Variants in DNAH14 observed in about 807,000 individuals in gnomAD.
The protein encoded by DNAH14 is dynein axonemal heavy chain 14.
A neutral mutation model predicts 520.9 loss-of-function variants in DNAH14; 478 were observed. That is an observed-to-expected ratio of 0.92 (90% confidence interval 0.85 to 0.99). The LOEUF is 0.99. Among genes scored for constraint, DNAH14 ranks in the 50% least tolerant of loss-of-function variants. The pLI is 0.00. For synonymous variants in DNAH14, 1,581 were observed against 1,757.2 expected (o/e 0.90, Z 2.51); for missense variants, 4,831 against 5,234.5 (o/e 0.92, Z 2.38).
At chr1:225,367,541 G>C (rs1464524161) in intron 76 of DNAH14, among the ~76,000 whole-genome samples, 1 of 152,148 alleles carries the variant, frequency 6.6e-6, no homozygotes, top group Middle Eastern at 3.2e-3. Context: ...CCTATGCTCT[G>C]AGCAAATAAG....
intron 83 of DNAH14, among the ~76,000 whole-genome samples, chr1:225,390,700 A>C (rs374643871): frequency 6.6e-6 from 1 of 152,192 alleles, no homozygotes. Context: ...GAAGAAGAGA[A>C]TAATTCGTGG....
intron 17 of DNAH14, among the ~76,000 whole-genome samples, chr1:225,066,162 T>C (rs568729655): frequency 3.9e-5 from 6 of 152,226 alleles, no homozygotes; most frequent in Admixed American, 3.9e-4. Context: ...TGTCTCCTTT[T>C]GAGACATATC....
intron 11 of DNAH14, 29 bp from the exon 12 acceptor site, chr1:225,038,665 G>T: frequency 1.3e-6 from 2 of 1,507,746 alleles, no homozygotes; most frequent in African/African-American, 1.4e-5. Flanking sequence ...ATTTTTAAAT[G>T]ATTTTTTTCT....
intron 55 of DNAH14, among the ~76,000 whole-genome samples, chr1:225,293,248 G>A (rs1473295377): frequency 2.0e-5 from 3 of 152,162 alleles, no homozygotes; most frequent in Admixed American, 2.0e-4. Context: ...TTCAGCCACT[G>A]TGGAAGACAT....
rs745378611 is a variant in DNAH14, at chr1:225,374,736, T to C, written c.12367T>C (p.Ser4123Pro). Residue 4123 changes from serine to proline, a missense_variant, in exon 78 of 86, where the codon TCG becomes CCG. Transcript: ENST00000682510. The stretch of plus-strand genomic sequence containing the variant: ...TTCCCTGAGAGGACAGCCCAGCATT[T>C]CGTGGCAAGCACTGCGCTACCTGAT... Reference protein sequence around the residue: ...ENSLRGQPSISWQALRYLIGE... With the variant: ...ENSLRGQPSIPWQALRYLIGE... 10 of 1,551,172 alleles carry C rather than the reference T, an allele frequency of 6.4e-6. 1 individual carries two copies. The South Asian group carries it at 8.3e-5, about 13-fold the overall frequency.
chr1:225,204,706 T>C (rs1285825161), intron 39 of DNAH14, among the ~76,000 whole-genome samples: 1 of 152,220 alleles, frequency 6.6e-6, no homozygotes, highest in Non-Finnish European at 1.5e-5. Context: ...CCAGACACTT[T>C]ACTATGTGCC....
chr1:225,076,962 G>A (rs1201669665), intron 17 of DNAH14, among the ~76,000 whole-genome samples: 1 of 151,906 alleles, frequency 6.6e-6, no homozygotes, highest in Admixed American at 6.6e-5. Flanking sequence ...ACACCCAACA[G>A]GCCCCGGTGT....
intron 7 of DNAH14, chr1:224,969,675 G>T (rs891290209): frequency 3.6e-6 from 1 of 279,500 alleles, no homozygotes; most frequent in East Asian, 7.4e-5. Flanking sequence ...CGAAGCCATG[G>T]CAGAAGAACG....
Position 225,382,837 on chromosome 1 carries a change from G to A in DNAH14, c.13077+1258G>A, listed in dbSNP as rs181399617. 1.9e-3 allele frequency among the ~76,000 whole-genome samples: 289 copies of A among 152,286 alleles called. 5 individuals are homozygous for A. Among genetic ancestry groups the A allele is most frequent in the Admixed American group, 0.017 (260 of 15,290 alleles). On this transcript the variant is annotated intron_variant, in intron 81 of 85. Transcript: ENST00000682510. ...CTGATGAATGGATAAAATATGGTATGTCCCTGTAATGAAATATTATTCAGC... is the reference window on the plus strand; with the variant it reads ...CTGATGAATGGATAAAATATGGTATATCCCTGTAATGAAATATTATTCAGC...
At chr1:225,152,934 C>G in intron 33 of DNAH14, 51 bp downstream of exon 33, 1 of 1,521,812 alleles carries the variant, frequency 6.6e-7, no homozygotes, top group Non-Finnish European at 8.8e-7. Context: ...ATAAAAATAA[C>G]CTTAAGTAAT....
intron 54 of DNAH14, among the ~76,000 whole-genome samples, chr1:225,279,007 GT>G (rs1032053781): frequency 1.8e-4 from 28 of 152,034 alleles, no homozygotes; most frequent in African/African-American, 5.8e-4. Flanking sequence ...TGTTGTTTTT[GT>G]TTTTTTAGAT....
At chr1:225,288,000 A>G (rs2093786557) in intron 54 of DNAH14, among the ~76,000 whole-genome samples, 1 of 152,120 alleles carries the variant, frequency 6.6e-6, no homozygotes, top group African/African-American at 2.4e-5. Flanking sequence ...AATGAGGGAG[A>G]ATAGACAAAT....
At chr1:225,194,096 C>T (rs1479840978) in intron 38 of DNAH14, among the ~76,000 whole-genome samples, 3 of 151,970 alleles carry the variant, frequency 2.0e-5, no homozygotes, top group South Asian at 4.2e-4. Flanking sequence ...TTGGAAGATT[C>T]GATACTGTTA....
chr1:225,209,490 C>T (rs1208314207), intron 41 of DNAH14, among the ~76,000 whole-genome samples: 1 of 152,048 alleles, frequency 6.6e-6, no homozygotes, highest in Non-Finnish European at 1.5e-5. Context: ...TGCACCTGAG[C>T]CTCAGGCATG....
At chr1:225,335,027 C>T (rs2094889633) in intron 66 of DNAH14, among the ~76,000 whole-genome samples, 1 of 148,456 alleles carries the variant, frequency 6.7e-6, no homozygotes, top group South Asian at 2.1e-4. Flanking sequence ...TGTATATATA[C>T]ATACATATAT....
At chr1:224,963,165 T>G (rs2060946863) in intron 4 of DNAH14, among the ~76,000 whole-genome samples, 1 of 152,118 alleles carries the variant, frequency 6.6e-6, no homozygotes, top group Non-Finnish European at 1.5e-5. Flanking sequence ...CTTGAAATAT[T>G]TGGTATAGTA....
chr1:224,990,239 A>C (rs1317867050), intron 8 of DNAH14, among the ~76,000 whole-genome samples: 1 of 152,190 alleles, frequency 6.6e-6, no homozygotes, highest in African/African-American at 2.4e-5. Context: ...ATGATGTTAA[A>C]GTTTATGAAT....
At position 225,043,051 on chromosome 1, in the gene DNAH14, G is replaced by A; in HGVS notation, c.1705G>A (p.Glu569Lys). 1.9e-6 allele frequency: 3 copies of A among 1,551,494 alleles called. No individual in the cohort carries two copies. The highest frequency in any genetic ancestry group is 1.2e-5 in the South Asian group (1 of 84,034). The change falls in exon 13 of 86, where the codon GAA becomes AAA. Residue 569 changes from glutamate to lysine, a missense_variant. Coordinates refer to ENST00000682510, the MANE Select transcript of DNAH14 (RefSeq NM_001367479.1). Reference sequence around the variant, plus strand: ...TTGTGTCAAAAAACACTCAAGTGAAGAATTGCTCCCAAAAGCCAAGAAATC... The same window carrying A: ...TTGTGTCAAAAAACACTCAAGTGAAAAATTGCTCCCAAAAGCCAAGAAATC... ...DNCVKKHSSE[E>K]LLPKAKKSKE...
chr1:225,259,321 GC>G, intron 46 of DNAH14, 68 bp downstream of exon 46: 1 of 1,142,826 alleles, frequency 8.8e-7, no homozygotes, highest in African/African-American at 1.6e-5. Flanking sequence ...ATATAAATAT[GC>G]CTGTTTTTAA....
Sources: allele counts gnomAD v4.1 joint callset (sites outside exome capture counted in the v4.1 genomes callset), GRCh38; gene constraint gnomAD v4.1.1; transcripts MANE v1.5; gene names NCBI Gene and HGNC (gene_info 2026-07-23, HGNC 2026-07-21).